The following SLC25A53 variants were observed in gnomAD, a reference collection of about 807,000 sequenced individuals.
SLC25A53 encodes the protein mitochondrial carrier triple repeat protein 6.
SLC25A53 carries 5 observed loss-of-function variants against 15.0 expected under a neutral mutation model. The ratio of observed to expected loss-of-function variants is 0.33; its 90% CI spans 0.17 to 0.70. The LOEUF is 0.70. Among genes scored for constraint, SLC25A53 ranks in the 30% least tolerant of loss-of-function variants. The probability of loss-of-function intolerance (pLI) is 0.67; values close to 1 mark genes in which losing one functional copy is unlikely to be tolerated. For missense variants in SLC25A53, 216 were observed against 241.6 expected, an observed-to-expected ratio of 0.89 and a Z score of 0.70; for synonymous variants, 95 against 100.0, an observed-to-expected ratio of 0.95 and a Z score of 0.30.
chrX:104,131,414 A>T (rs1253871050), intron 1 of SLC25A53, among the ~76,000 whole-genome samples: 1 of 111,620 alleles, frequency 9.0e-6, no homozygotes, highest in East Asian at 2.8e-4. Context: ...CATGTTACAG[A>T]CTACCGCCCC....
intron 1 of SLC25A53, among the ~76,000 whole-genome samples, chrX:104,135,622 A>T (rs782197702): frequency 1.3e-4 from 14 of 111,043 alleles, no homozygotes; most frequent in African/African-American, 4.6e-4. Context: ...AGACTCTGCC[A>T]CAGTCACCTC....
At chrX:104,118,886 C>G (rs1256422914) in intron 1 of SLC25A53, among the ~76,000 whole-genome samples, 1 of 112,556 alleles carries the variant, frequency 8.9e-6, no homozygotes, top group East Asian at 2.8e-4. Context: ...AAGGATGCAG[C>G]CTTTAAGGAA....
At chrX:104,124,365 TG>T (rs1225601363) in intron 1 of SLC25A53, among the ~76,000 whole-genome samples, 1 of 112,260 alleles carries the variant, frequency 8.9e-6, no homozygotes, top group Non-Finnish European at 1.9e-5. Flanking sequence ...TGTCTTCTTT[TG>T]AGAAGTGTCT....
chrX:104,115,138 C>T (rs782789285), intron 1 of SLC25A53: 15 of 1,204,343 alleles, frequency 1.2e-5, no homozygotes, highest in South Asian at 3.6e-5. Context: ...AGCCAGGAAG[C>T]GAAAATACAC....
At chrX:104,137,715 T>C (rs146970942) in intron 1 of SLC25A53, among the ~76,000 whole-genome samples, 230 of 111,648 alleles carry the variant, frequency 2.1e-3, no homozygotes, top group Non-Finnish European at 3.7e-3. Context: ...CTATGCTATA[T>C]GGACCAACCA....
At chrX:104,115,613 G>T in intron 1 of SLC25A53, 1 of 259,096 alleles carries the variant, frequency 3.9e-6, no homozygotes, top group Non-Finnish European at 7.2e-6. Flanking sequence ...CAAAAATAAA[G>T]GAAGATACAA....
intron 1 of SLC25A53, among the ~76,000 whole-genome samples, chrX:104,120,940 A>G (rs1235589040): frequency 8.9e-6 from 1 of 112,317 alleles, no homozygotes; most frequent in African/African-American, 3.2e-5. Context: ...TTTCTCATTT[A>G]TTAGTTAAAA....
intron 1 of SLC25A53, among the ~76,000 whole-genome samples, chrX:104,117,501 C>T (rs1231309873): frequency 1.8e-5 from 2 of 110,849 alleles, no homozygotes; most frequent in African/African-American, 6.6e-5. Context: ...GAGAACTGAG[C>T]AGGAGTAAAG....
intron 1 of SLC25A53, among the ~76,000 whole-genome samples, chrX:104,139,824 A>G (rs1556367208): frequency 8.9e-6 from 1 of 112,498 alleles, no homozygotes; most frequent in Non-Finnish European, 1.9e-5. Context: ...ATAAATAAAT[A>G]AATACATAAA....
chrX:104,124,839 C>CT (rs34662574), intron 1 of SLC25A53, among the ~76,000 whole-genome samples: 13,938 of 62,099 alleles, frequency 0.22, 1,709 homozygotes, highest in East Asian at 0.43. Flanking sequence ...AACTTTTTTC[C>CT]TTTTTTTTTT....
At chrX:104,135,852 A>T (rs1338631371) in intron 1 of SLC25A53, among the ~76,000 whole-genome samples, 1 of 112,075 alleles carries the variant, frequency 8.9e-6, no homozygotes, top group Non-Finnish European at 1.9e-5. Flanking sequence ...CCTTTTAAGG[A>T]ATTTACCATC....
intron 1 of SLC25A53, among the ~76,000 whole-genome samples, chrX:104,117,834 T>C (rs918494159): frequency 2.7e-5 from 3 of 112,330 alleles, no homozygotes; most frequent in Admixed American, 9.4e-5. Context: ...TCATAATTTC[T>C]TTCTGAAACC....
intron 1 of SLC25A53, among the ~76,000 whole-genome samples, chrX:104,146,758 C>G (rs2075468560): frequency 9.1e-6 from 1 of 109,873 alleles, no homozygotes; most frequent in Admixed American, 9.7e-5. Context: ...ACGTGAAGGA[C>G]CTCTTCAAGG....
intron 1 of SLC25A53, among the ~76,000 whole-genome samples, chrX:104,144,529 T>C (rs2075460284): frequency 9.0e-6 from 1 of 111,640 alleles, no homozygotes; most frequent in Non-Finnish European, 1.9e-5. Context: ...GCAGAATCAC[T>C]GGCCTTCTGC....
intron 1 of SLC25A53, among the ~76,000 whole-genome samples, chrX:104,122,575 C>G (rs2075398626): frequency 9.0e-6 from 1 of 110,847 alleles, no homozygotes; most frequent in Admixed American, 9.7e-5. Context: ...TACTTCAGCC[C>G]CCTTTTATTT....
chrX:104,106,468 G>A (rs2075310750), intron 1 of SLC25A53, among the ~76,000 whole-genome samples: 1 of 111,022 alleles, frequency 9.0e-6, no homozygotes, highest in Non-Finnish European at 1.9e-5. Flanking sequence ...GAGGCGGAGG[G>A]GCATGATGGC....
intron 1 of SLC25A53, among the ~76,000 whole-genome samples, chrX:104,122,859 CAAG>C (rs782805833): frequency 1.8e-5 from 2 of 111,292 alleles, no homozygotes; most frequent in Non-Finnish European, 3.8e-5. Flanking sequence ...GGTGGTTGGA[CAAG>C]AAGAGGGATG....
intron 1 of SLC25A53, among the ~76,000 whole-genome samples, chrX:104,105,489 T>C (rs2075304609): frequency 8.9e-6 from 1 of 112,307 alleles, no homozygotes; most frequent in Non-Finnish European, 1.9e-5. Flanking sequence ...GCAATCAGTT[T>C]TTCTGGACAG....
intron 1 of SLC25A53, among the ~76,000 whole-genome samples, chrX:104,121,908 T>G (rs1477302973): frequency 9.2e-4 from 31 of 33,528 alleles, no homozygotes; most frequent in African/African-American, 2.7e-3. Context: ...TATATATATA[T>G]ATATATATAT....
Sources: allele counts gnomAD v4.1 joint callset (sites outside exome capture counted in the v4.1 genomes callset), GRCh38; gene constraint gnomAD v4.1.1; transcripts MANE v1.5; gene names NCBI Gene and HGNC (gene_info 2026-07-23, HGNC 2026-07-21).